NRXN3: variants seen among roughly 807,000 people sequenced by gnomAD.
NRXN3 encodes the protein neurexin III.
In NRXN3, 32 loss-of-function variants were observed where a neutral mutation model predicts 137.6. That is an observed-to-expected ratio of 0.23 (90% CI 0.18 to 0.31). The LOEUF (loss-of-function observed/expected upper bound fraction) is 0.31. Among genes scored for constraint, NRXN3 ranks in the 10% least tolerant of loss-of-function variants. The pLI, the probability that NRXN3 is intolerant of heterozygous loss-of-function variation, is 1.00. For synonymous variants in NRXN3, 798 were observed against 784.5 expected, an observed-to-expected ratio of 1.02 and a Z score of -0.29; for missense variants, 1,574 against 2,062.5, an observed-to-expected ratio of 0.76 and a Z score of 4.59.
intron 15 of NRXN3, among the ~76,000 whole-genome samples, chr14:79,103,522 T>C (rs1220072754): frequency 6.6e-6 from 1 of 152,086 alleles, no homozygotes; most frequent in African/African-American, 2.4e-5. Flanking sequence ...AGCAGAACAT[T>C]CTAAATTTTG....
intron 15 of NRXN3, among the ~76,000 whole-genome samples, chr14:79,286,546 A>ATG (rs1555356445): frequency 6.8e-6 from 1 of 147,624 alleles, no homozygotes; most frequent in East Asian, 2.0e-4. Context: ...ATATATATAT[A>ATG]TATATATATA....
intron 15 of NRXN3, among the ~76,000 whole-genome samples, chr14:79,150,586 T>C (rs1490985648): frequency 1.3e-5 from 2 of 151,894 alleles, no homozygotes; most frequent in Non-Finnish European, 2.9e-5. Flanking sequence ...CCACCTTCCA[T>C]GCATGGTTGC....
At chr14:78,331,590 T>C (rs550738322) in intron 4 of NRXN3, among the ~76,000 whole-genome samples, 4 of 152,296 alleles carry the variant, frequency 2.6e-5, no homozygotes, top group African/African-American at 9.6e-5. Context: ...AAAGGACCAA[T>C]TATAGTTGAA....
intron 16 of NRXN3, among the ~76,000 whole-genome samples, chr14:79,571,235 T>C (rs565214909): frequency 6.6e-6 from 1 of 152,322 alleles, no homozygotes; most frequent in African/African-American, 2.4e-5. Flanking sequence ...ACATATTAGC[T>C]TGGACTAGCT....
intron 4 of NRXN3, among the ~76,000 whole-genome samples, chr14:78,520,865 T>C (rs576979404): frequency 2.0e-5 from 3 of 152,202 alleles, no homozygotes; most frequent in South Asian, 4.1e-4. Context: ...GTGAAGACCC[T>C]AGGGGGCAGA....
chr14:78,798,084 T>C lies in NRXN3; in HGVS notation c.2045-5536T>C, dbSNP rs554146893. Reference sequence around the variant, plus strand: ...TTATGTCCTCACATTTCAAAACCAGTCATGCTTTCCCAACAGTCCCCCAAA... The same window carrying C: ...TTATGTCCTCACATTTCAAAACCAGCCATGCTTTCCCAACAGTCCCCCAAA... On this transcript the variant is annotated intron_variant, in intron 8 of 20. Coordinates refer to ENST00000335750, the MANE Select transcript of NRXN3 (RefSeq NM_001330195.2). Among the ~76,000 whole-genome samples the C allele has an allele frequency of 3.3e-4, 51 of 152,258 alleles. 1 individual carries two copies. Among genetic ancestry groups the C allele is most frequent in the African/African-American group, 1.1e-3 (47 of 41,550 alleles).
intron 4 of NRXN3, among the ~76,000 whole-genome samples, chr14:78,570,993 G>T (rs939851169): frequency 1.3e-5 from 2 of 152,134 alleles, no homozygotes; most frequent in Non-Finnish European, 2.9e-5. Context: ...CAGCAGCCCC[G>T]CTGGGCCCTG....
intron 10 of NRXN3, among the ~76,000 whole-genome samples, chr14:78,920,237 A>G (rs578133500): frequency 6.6e-6 from 1 of 152,304 alleles, no homozygotes; most frequent in African/African-American, 2.4e-5. Flanking sequence ...AGGAAAAGAC[A>G]GACTGGTGAA....
intron 4 of NRXN3, among the ~76,000 whole-genome samples, chr14:78,333,985 A>G (rs2081154763): frequency 6.6e-6 from 1 of 152,122 alleles, no homozygotes; most frequent in Non-Finnish European, 1.5e-5. Flanking sequence ...TGGAAGGTAG[A>G]GCCAGCAGTA....
chr14:78,283,890 T>A, intron 3 of NRXN3, among the ~76,000 whole-genome samples: 1 of 152,212 alleles, frequency 6.6e-6, no homozygotes. Flanking sequence ...GTTTACAATC[T>A]GGCTCCTTAT....
rs1156342055 is a variant in NRXN3, at chr14:78,957,285, C to T, written c.2319C>T (p.Asp773=). The part of the protein sequence containing the change: ...ETLYAGQKLN[D]NEWHTVRVVR... Reference sequence around the variant, plus strand: ...TGTATGCAGGGCAGAAGCTCAATGACAACGAGTGGCACACCGTTCGGGTGG... The same window carrying T: ...TGTATGCAGGGCAGAAGCTCAATGATAACGAGTGGCACACCGTTCGGGTGG... The change falls in exon 11 of 21, where the codon GAC becomes GAT. Residue 773 remains aspartate (D), a synonymous_variant. Coordinates refer to ENST00000335750, the MANE Select transcript of NRXN3 (RefSeq NM_001330195.2). The T allele has an allele frequency of 6.2e-7, 1 of 1,614,112 alleles. No homozygotes were observed. The highest frequency in any genetic ancestry group is 8.5e-7 in the Non-Finnish European group (1 of 1,180,000).
intron 4 of NRXN3, among the ~76,000 whole-genome samples, chr14:78,354,575 C>A (rs956699873): frequency 6.6e-6 from 1 of 152,118 alleles, no homozygotes; most frequent in Admixed American, 6.5e-5. Flanking sequence ...ATCATTGGGA[C>A]AATTTTCTAA....
intron 10 of NRXN3, among the ~76,000 whole-genome samples, chr14:78,816,422 A>G (rs546394594): frequency 6.6e-6 from 1 of 152,144 alleles, no homozygotes; most frequent in South Asian, 2.1e-4. Flanking sequence ...AAATACCAAC[A>G]AGCTTTTCCA....
chr14:78,967,184 G>GTTTTTTTTTTTTTTTTTTTTTTTTT, intron 12 of NRXN3, 24 bp from the exon 13 acceptor site: 21 of 1,421,226 alleles, frequency 1.5e-5, no homozygotes, highest in African/African-American at 1.5e-5. Context: ...TCCAATTATT[G>GTTTTTTTTTTTTTTTTTTTTTTTTT]TTTTTTTTTT....
At chr14:78,877,884 AAAAT>A (rs1387205120) in intron 10 of NRXN3, among the ~76,000 whole-genome samples, 1 of 152,144 alleles carries the variant, frequency 6.6e-6, no homozygotes, top group African/African-American at 2.4e-5. Flanking sequence ...TAATGCAATT[AAAAT>A]AAATAGTTTC....
At chr14:79,820,515 T>TCTAA (rs1279410708) in intron 20 of NRXN3, among the ~76,000 whole-genome samples, 1 of 152,232 alleles carries the variant, frequency 6.6e-6, no homozygotes, top group Non-Finnish European at 1.5e-5. Flanking sequence ...AGTTTTTGTT[T>TCTAA]CTAACTTTTA....
intron 4 of NRXN3, among the ~76,000 whole-genome samples, chr14:78,430,117 A>G (rs1220100629): frequency 6.6e-6 from 1 of 152,198 alleles, no homozygotes; most frequent in Non-Finnish European, 1.5e-5. Context: ...GCACGTCTAC[A>G]GTCCCAGCCA....
intron 14 of NRXN3, among the ~76,000 whole-genome samples, chr14:78,971,064 TA>T (rs1318067269): frequency 6.6e-6 from 1 of 152,158 alleles, no homozygotes; most frequent in Non-Finnish European, 1.5e-5. Flanking sequence ...GGTTAAGGCA[TA>T]AATTACTGTC....
At chr14:79,663,665 C>A in intron 16 of NRXN3, 113 bp from the exon 17 acceptor site, 1 of 781,454 alleles carries the variant, frequency 1.3e-6, no homozygotes, top group Non-Finnish European at 2.1e-6. Flanking sequence ...TATCTTCATG[C>A]TGACAGCTCC....
Sources: allele counts gnomAD v4.1 joint callset (sites outside exome capture counted in the v4.1 genomes callset), GRCh38; gene constraint gnomAD v4.1.1; transcripts MANE v1.5; gene names NCBI Gene and HGNC (gene_info 2026-07-23, HGNC 2026-07-21).